HS6ST3: variants seen among roughly 807,000 people sequenced by gnomAD.
The protein encoded by HS6ST3 is heparan sulfate 6-O-sulfotransferase 3.
A neutral mutation model predicts 36.7 loss-of-function variants in HS6ST3; 12 were observed. That is an observed-to-expected ratio of 0.33 (90% confidence interval 0.21 to 0.53). The LOEUF (loss-of-function observed/expected upper bound fraction) is 0.53. Among genes scored for constraint, HS6ST3 ranks in the 20% least tolerant of loss-of-function variants. The pLI is 0.95. For missense variants in HS6ST3, 584 were observed against 640.9 expected (o/e 0.91, Z 0.96); for synonymous variants, 240 against 257.5 (o/e 0.93, Z 0.65).
intron 1 of HS6ST3, among the ~76,000 whole-genome samples, chr13:96,184,149 C>T (rs979715190): frequency 7.3e-6 from 1 of 137,230 alleles, no homozygotes; most frequent in Non-Finnish European, 1.5e-5. Flanking sequence ...TGCAATGAGC[C>T]AAGATCGCAC....
chr13:96,304,115 C>T (rs1393828011), intron 1 of HS6ST3, among the ~76,000 whole-genome samples: 1 of 148,522 alleles, frequency 6.7e-6, no homozygotes, highest in Non-Finnish European at 1.5e-5. Flanking sequence ...TGCACTCCAA[C>T]CTGGGGGTCA....
intron 1 of HS6ST3, among the ~76,000 whole-genome samples, chr13:96,630,473 A>T (rs1021026358): frequency 3.9e-5 from 6 of 152,104 alleles, no homozygotes; most frequent in Non-Finnish European, 7.4e-5. Context: ...TAGTTCTCAG[A>T]TTTACTTTCT....
At chr13:96,716,227 G>A (rs1875691354) in intron 1 of HS6ST3, among the ~76,000 whole-genome samples, 1 of 151,780 alleles carries the variant, frequency 6.6e-6, no homozygotes, top group Admixed American at 6.6e-5. Flanking sequence ...ATTCCATTGA[G>A]GGGCTAAAAT....
intron 1 of HS6ST3, among the ~76,000 whole-genome samples, chr13:96,655,201 C>T (rs996342265): frequency 4.6e-5 from 7 of 152,050 alleles, no homozygotes; most frequent in African/African-American, 1.7e-4. Context: ...TCAGCTCAAC[C>T]GAACTTCTCC....
intron 1 of HS6ST3, among the ~76,000 whole-genome samples, chr13:96,321,474 C>T (rs1266915684): frequency 2.6e-5 from 4 of 152,170 alleles, no homozygotes; most frequent in African/African-American, 7.2e-5. Context: ...AACTCCTCCA[C>T]ATCTTAATTT....
intron 1 of HS6ST3, among the ~76,000 whole-genome samples, chr13:96,537,752 T>A (rs3932644): frequency 0.068 from 10,426 of 152,264 alleles, 408 homozygotes; most frequent in Middle Eastern, 0.095. Flanking sequence ...TGTCTCAAAA[T>A]GCAATGACAC....
intron 1 of HS6ST3, among the ~76,000 whole-genome samples, chr13:96,154,246 A>G (rs2054100319): frequency 6.6e-6 from 1 of 152,136 alleles, no homozygotes; most frequent in Non-Finnish European, 1.5e-5. Flanking sequence ...AACTGTTTCA[A>G]CAGTGCTTTT....
intron 1 of HS6ST3, among the ~76,000 whole-genome samples, chr13:96,524,594 C>T (rs1276072475): frequency 6.6e-6 from 1 of 152,208 alleles, no homozygotes; most frequent in Non-Finnish European, 1.5e-5. Context: ...TGGCAGATGC[C>T]CCTTCCCCCA....
In HS6ST3 at chr13:96,574,721, G is replaced by T. The variant is rs1036513163; in HGVS notation, c.708-257769G>T. ...CAAGCCTTATCTCAGCCTTCCCTTAGTATGAGGTTCTGGTGGACTGGGGCT... is the reference window on the plus strand; with the variant it reads ...CAAGCCTTATCTCAGCCTTCCCTTATTATGAGGTTCTGGTGGACTGGGGCT... On this transcript the variant is annotated intron_variant, in intron 1 of 1. Transcript: ENST00000376705. Among the ~76,000 whole-genome samples, 7 of 152,282 alleles carry T rather than the reference G, an allele frequency of 4.6e-5. No individual in the cohort carries two copies. In the East Asian group the frequency reaches 1.4e-3, roughly 30 times the overall value.
At chr13:96,332,078 G>C (rs927740831) in intron 1 of HS6ST3, among the ~76,000 whole-genome samples, 1 of 152,150 alleles carries the variant, frequency 6.6e-6, no homozygotes, top group Admixed American at 6.5e-5. Flanking sequence ...TGCGCCCACT[G>C]TCTGGCACTC....
At chr13:96,715,318 C>T (rs1326519545) in intron 1 of HS6ST3, among the ~76,000 whole-genome samples, 2 of 151,918 alleles carry the variant, frequency 1.3e-5, no homozygotes, top group African/African-American at 2.4e-5. Flanking sequence ...GTCATTAACC[C>T]TGGGAAAGGT....
At chr13:96,360,646 C>CAAA (rs5805964) in intron 1 of HS6ST3, among the ~76,000 whole-genome samples, 33 of 134,364 alleles carry the variant, frequency 2.5e-4, no homozygotes, top group African/African-American at 7.5e-4. Flanking sequence ...TTTGTATTAT[C>CAAA]AAAAAAAAAA....
chr13:96,488,484 C>T (rs900665782), intron 1 of HS6ST3, among the ~76,000 whole-genome samples: 2 of 152,066 alleles, frequency 1.3e-5, no homozygotes, highest in African/African-American at 4.8e-5. Context: ...GAAAGTTAGA[C>T]TGTAAATTGG....
At chr13:96,648,669 A>G (rs2056597404) in intron 1 of HS6ST3, among the ~76,000 whole-genome samples, 1 of 151,636 alleles carries the variant, frequency 6.6e-6, no homozygotes, top group Non-Finnish European at 1.5e-5. Flanking sequence ...CCCCCACAAC[A>G]GGCCCCAGTC....
At chr13:96,400,198 C>A (rs2055442891) in intron 1 of HS6ST3, among the ~76,000 whole-genome samples, 1 of 142,656 alleles carries the variant, frequency 7.0e-6, no homozygotes, top group Non-Finnish European at 1.5e-5. Context: ...CACATATATG[C>A]AGACACACAT....
Position 96,742,906 on chromosome 13 carries a change from A to G in HS6ST3, c.708-89584A>G, listed in dbSNP as rs145358717. ...AATCTAAGTCCAGTAAAAAATCTGAATGTAGGGAATATTGAGAACTAACAA... is the reference window on the plus strand; with the variant it reads ...AATCTAAGTCCAGTAAAAAATCTGAGTGTAGGGAATATTGAGAACTAACAA... On this transcript the variant is annotated intron_variant, in intron 1 of 1. Transcript: ENST00000376705. Among the ~76,000 whole-genome samples, 360 of 152,212 alleles carry G rather than the reference A, an allele frequency of 2.4e-3. 3 individuals are homozygous for G. The highest frequency in any genetic ancestry group is 8.3e-3 in the African/African-American group (347 of 41,570).
rs189985746 is a variant in HS6ST3 at position 96,661,410 on chromosome 13, G to A, written c.708-171080G>A. Reference sequence around the variant, plus strand: ...TTTTTTAACAGTTATTGAGTTAAAGGTTGTCTTATCTGATGTAAGTGTAGC... The same window carrying A: ...TTTTTTAACAGTTATTGAGTTAAAGATTGTCTTATCTGATGTAAGTGTAGC... On this transcript the variant is annotated intron_variant, in intron 1 of 1. Coordinates refer to ENST00000376705, the MANE Select transcript of HS6ST3 (RefSeq NM_153456.4). 4.6e-5 allele frequency among the ~76,000 whole-genome samples: 7 copies of A among 152,104 alleles called. No homozygotes were observed. In the South Asian group the frequency reaches 1.5e-3, roughly 32 times the overall value.
At chr13:96,407,025 A>G (rs532199560) in intron 1 of HS6ST3, among the ~76,000 whole-genome samples, 1 of 152,234 alleles carries the variant, frequency 6.6e-6, no homozygotes, top group African/African-American at 2.4e-5. Flanking sequence ...AGATATTTGT[A>G]TTAACATCTT....
intron 1 of HS6ST3, among the ~76,000 whole-genome samples, chr13:96,648,992 C>A (rs1238090630): frequency 6.6e-6 from 1 of 151,896 alleles, no homozygotes; most frequent in African/African-American, 2.4e-5. Context: ...CTCTGCAGAC[C>A]CCTATATTTG....
Sources: gnomAD v4.1 joint callset for allele counts (sites outside exome capture counted in the v4.1 genomes callset) on GRCh38, gnomAD v4.1.1 for gene constraint, MANE v1.5 for transcripts, NCBI Gene and HGNC (gene_info 2026-07-23, HGNC 2026-07-21) for gene names.